Variants in LRRC4C observed in about 807,000 individuals in gnomAD.
LRRC4C encodes the protein leucine-rich repeat-containing protein 4C.
Under a neutral mutation model 33.6 loss-of-function variants are expected in LRRC4C, and 5 were observed. The observed-to-expected ratio is 0.15, with a 90% confidence interval of 0.08 to 0.31. The LOEUF is 0.31. Among genes scored for constraint, LRRC4C ranks in the 10% least tolerant of loss-of-function variants. The probability of loss-of-function intolerance (pLI) is 1.00; values close to 1 mark genes in which losing one functional copy is unlikely to be tolerated. For missense variants in LRRC4C, 560 were observed against 796.7 expected (o/e 0.70, Z 3.58); for synonymous variants, 329 against 302.0 (o/e 1.09, Z -0.93).
intron 2 of LRRC4C, among the ~76,000 whole-genome samples, chr11:40,721,960 AAAAT>A (rs1947041639): frequency 6.6e-6 from 1 of 152,164 alleles, no homozygotes; most frequent in Admixed American, 6.5e-5. Context: ...AAATAAATAA[AAAAT>A]AAAGATTGAA....
intron 6 of LRRC4C, among the ~76,000 whole-genome samples, chr11:40,129,816 C>G (rs1465471187): frequency 6.6e-6 from 1 of 152,178 alleles, no homozygotes; most frequent in African/African-American, 2.4e-5. Flanking sequence ...CTGGGGAAGG[C>G]TATGGCGGCT....
chr11:40,353,669 A>G (rs1947521739), intron 3 of LRRC4C, among the ~76,000 whole-genome samples: 1 of 152,184 alleles, frequency 6.6e-6, no homozygotes, highest in Admixed American at 6.5e-5. Flanking sequence ...ACCTGAGATC[A>G]TGCCAATGCA....
At chr11:41,105,989 G>A (rs933485366) in intron 1 of LRRC4C, among the ~76,000 whole-genome samples, 1 of 151,898 alleles carries the variant, frequency 6.6e-6, no homozygotes, top group South Asian at 2.1e-4. Context: ...ACCTACTCAG[G>A]TGTAATGTGT....
intron 1 of LRRC4C, among the ~76,000 whole-genome samples, chr11:41,226,014 A>G (rs554600169): frequency 6.6e-6 from 1 of 152,264 alleles, no homozygotes; most frequent in East Asian, 1.9e-4. Context: ...TGCTTTTACT[A>G]CTAGCAGTGG....
At chr11:40,944,883 A>C (rs1592151745) in intron 1 of LRRC4C, among the ~76,000 whole-genome samples, 1 of 152,304 alleles carries the variant, frequency 6.6e-6, no homozygotes, top group East Asian at 1.9e-4. Context: ...AATTATAAAA[A>C]TATAGACTTC....
intron 2 of LRRC4C, among the ~76,000 whole-genome samples, chr11:40,806,481 T>C (rs1363913759): frequency 1.2e-4 from 19 of 152,198 alleles, no homozygotes; most frequent in Admixed American, 1.2e-3. Flanking sequence ...TACATAACTT[T>C]TTAGGACTTA....
At chr11:40,714,791 G>C (rs1946627976) in intron 2 of LRRC4C, among the ~76,000 whole-genome samples, 3 of 152,070 alleles carry the variant, frequency 2.0e-5, no homozygotes, top group Admixed American at 2.0e-4. Flanking sequence ...AAGGACACTT[G>C]GTTTATTATG....
chr11:41,351,338 G>T (rs1565604470), intron 1 of LRRC4C, among the ~76,000 whole-genome samples: 1 of 152,036 alleles, frequency 6.6e-6, no homozygotes, highest in African/African-American at 2.4e-5. Flanking sequence ...GGGAAATAGG[G>T]AATTATATAA....
At chr11:40,422,803 A>G (rs1448083661) in intron 3 of LRRC4C, among the ~76,000 whole-genome samples, 1 of 152,152 alleles carries the variant, frequency 6.6e-6, no homozygotes. Flanking sequence ...TAGATTTTAC[A>G]CTTTGGAAAG....
At chr11:40,676,036 A>T (rs1309504492) in intron 2 of LRRC4C, among the ~76,000 whole-genome samples, 1 of 152,220 alleles carries the variant, frequency 6.6e-6, no homozygotes, top group Non-Finnish European at 1.5e-5. Flanking sequence ...ATTTATTCAC[A>T]AAAATCAACA....
At chr11:40,174,788 G>A (rs1860335121) in intron 5 of LRRC4C, among the ~76,000 whole-genome samples, 1 of 152,160 alleles carries the variant, frequency 6.6e-6, no homozygotes, top group South Asian at 2.1e-4. Flanking sequence ...GGTTGATACA[G>A]TATTTTCCTA....
intron 3 of LRRC4C, among the ~76,000 whole-genome samples, chr11:40,469,664 A>C (rs1355568086): frequency 6.6e-6 from 1 of 152,164 alleles, no homozygotes; most frequent in Admixed American, 6.5e-5. Context: ...CAGCAGTCTG[A>C]AGTCTACCAG....
In LRRC4C at chr11:40,163,804, A is replaced by T. The variant is rs554373256; in HGVS notation, c.-95-22951T>A. The stretch of plus-strand genomic sequence containing the variant: ...CCCACTGAGTATGAATAGGATTTAT[A>T]ACTTGCTTTTGCAAAAGCAAGTTAT... On this transcript the variant is annotated intron_variant, in intron 5 of 6. Transcript: ENST00000528697. Among the ~76,000 whole-genome samples, 67 of 152,088 alleles carry T rather than the reference A, an allele frequency of 4.4e-4. No homozygotes were observed. In the South Asian group the frequency reaches 0.013, roughly 31 times the overall value.
intron 1 of LRRC4C, chr11:41,426,583 C>T (rs1408092758): frequency 6.6e-6 from 1 of 152,190 alleles, no homozygotes; most frequent in African/African-American, 2.4e-5. Flanking sequence ...CCTCTAAAAA[C>T]AAGCAGACTC....
intron 1 of LRRC4C, among the ~76,000 whole-genome samples, chr11:41,406,704 C>CA (rs1954249303): frequency 9.9e-6 from 1 of 100,754 alleles, no homozygotes; most frequent in Non-Finnish European, 1.9e-5. Flanking sequence ...CCTACACATT[C>CA]ACCACACACA....
chr11:40,150,412 A>G (rs765658712), intron 5 of LRRC4C, among the ~76,000 whole-genome samples: 4 of 152,212 alleles, frequency 2.6e-5, no homozygotes, highest in Admixed American at 2.0e-4. Context: ...GCAATGAAAA[A>G]CTCATAGAGA....
intron 2 of LRRC4C, among the ~76,000 whole-genome samples, chr11:40,810,574 G>A (rs1411599374): frequency 1.3e-5 from 2 of 152,120 alleles, no homozygotes; most frequent in Non-Finnish European, 2.9e-5. Flanking sequence ...TTCAAGATGA[G>A]TGTATCTCAG....
intron 3 of LRRC4C, among the ~76,000 whole-genome samples, chr11:40,425,531 A>G (rs1950679400): frequency 6.6e-6 from 1 of 152,236 alleles, no homozygotes; most frequent in Non-Finnish European, 1.5e-5. Flanking sequence ...GTGTTAATCC[A>G]GGACTTTGTA....
chr11:41,066,730 A>C (rs1041071754), intron 1 of LRRC4C, among the ~76,000 whole-genome samples: 4 of 152,210 alleles, frequency 2.6e-5, no homozygotes, highest in African/African-American at 9.6e-5. Context: ...CAGAAACCCT[A>C]CATGCCAGAA....
Sources: gnomAD v4.1 joint callset for allele counts (sites outside exome capture counted in the v4.1 genomes callset) on GRCh38, gnomAD v4.1.1 for gene constraint, MANE v1.5 for transcripts, NCBI Gene and HGNC (gene_info 2026-07-23, HGNC 2026-07-21) for gene names.